ABR: variants seen among roughly 807,000 people sequenced by gnomAD.
ABR encodes ABR activator of RhoGEF and GTPase.
In ABR, 35 loss-of-function variants were observed where a neutral mutation model predicts 107.2. The ratio of observed to expected loss-of-function variants is 0.33; its 90% CI spans 0.25 to 0.43. ABR has a LOEUF of 0.43. ABR is among the 20% of genes least tolerant of loss of function. The probability of loss-of-function intolerance (pLI) is 1.00; values close to 1 mark genes in which losing one functional copy is unlikely to be tolerated. For synonymous variants in ABR, 498 were observed against 462.0 expected (o/e 1.08, Z -1.00); for missense variants, 815 against 1,115.2 (o/e 0.73, Z 3.83).
At chr17:1,165,181 G>A (rs368835317) in intron 1 of ABR, among the ~76,000 whole-genome samples, 3 of 152,216 alleles carry the variant, frequency 2.0e-5, no homozygotes, top group African/African-American at 2.4e-5. Flanking sequence ...CCACCCAGCC[G>A]AGCAACAGGC....
chr17:1,009,489 A>G (rs941032577), intron 21 of ABR, among the ~76,000 whole-genome samples, 190 bp downstream of exon 21: 6 of 152,192 alleles, frequency 3.9e-5, no homozygotes, highest in Non-Finnish European at 8.8e-5. Context: ...CTTGGAAAGC[A>G]AACTCTCACT....
At chr17:1,012,535 C>T (rs1162907277) in intron 18 of ABR, 153 bp downstream of exon 18, 4 of 708,740 alleles carry the variant, frequency 5.6e-6, no homozygotes, top group East Asian at 2.7e-5. Flanking sequence ...CCTCTGCGGC[C>T]ACTCTAGATC....
At chr17:1,019,139 C>G (rs2071428353) in intron 16 of ABR, among the ~76,000 whole-genome samples, 1 of 152,320 alleles carries the variant, frequency 6.6e-6, no homozygotes, top group South Asian at 2.1e-4. Context: ...CCCGCTGCCT[C>G]GTGCCCATCA....
intron 1 of ABR, among the ~76,000 whole-genome samples, chr17:1,204,432 G>A (rs570024994): frequency 6.6e-6 from 1 of 152,188 alleles, no homozygotes; most frequent in East Asian, 1.9e-4. Context: ...GCGACACAGC[G>A]AGACTCTGTC....
intron 10 of ABR, among the ~76,000 whole-genome samples, chr17:1,062,527 T>G (rs1206998391): frequency 7.9e-6 from 1 of 126,714 alleles, no homozygotes; most frequent in African/African-American, 3.0e-5. Context: ...CATGTTCCTC[T>G]AGACACTGTT....
chr17:1,085,923 G>C (rs544744091), intron 4 of ABR, among the ~76,000 whole-genome samples: 1 of 152,300 alleles, frequency 6.6e-6, no homozygotes, highest in South Asian at 2.1e-4. Flanking sequence ...GAGGCGGGCA[G>C]ATCACCTAAG....
intron 16 of ABR, among the ~76,000 whole-genome samples, chr17:1,023,457 GC>G (rs2071890794): frequency 6.6e-6 from 1 of 152,248 alleles, no homozygotes; most frequent in Admixed American, 6.5e-5. Flanking sequence ...CAGCCAGGAA[GC>G]CGGCCCTGCC....
Position 1,131,206 on chromosome 17 carries a change from C to A in ABR, c.62-5839G>T, listed in dbSNP as rs574690529. The stretch of plus-strand genomic sequence containing the variant: ...CTTTGCACACCAAATGCAGTGCCTG[C>A]CACGCACACAGCTCCCCCCTCTTTG... On this transcript the variant is annotated intron_variant, in intron 1 of 22. Coordinates refer to ENST00000302538, the MANE Select transcript of ABR (RefSeq NM_021962.5). 1.5e-3 allele frequency among the ~76,000 whole-genome samples: 159 copies of A among 105,022 alleles called. 3 individuals are homozygous for A. The highest frequency in any genetic ancestry group is 9.0e-3 in the East Asian group (26 of 2,904). 68.9% of individuals were successfully genotyped at this position (105,022 alleles called of 152,430 possible).
At chr17:1,110,313 C>T (rs1372232145) in intron 2 of ABR, among the ~76,000 whole-genome samples, 1 of 151,964 alleles carries the variant, frequency 6.6e-6, no homozygotes, top group Non-Finnish European at 1.5e-5. Context: ...TTTTACAACC[C>T]AACGATGGAG....
chr17:1,165,792 C>T (rs1379782483), intron 1 of ABR, among the ~76,000 whole-genome samples: 1 of 152,200 alleles, frequency 6.6e-6, no homozygotes, highest in Non-Finnish European at 1.5e-5. Flanking sequence ...CTCAGCCTCC[C>T]AAAGTACTGG....
rs879897096 is a variant in ABR at position 1,109,536 on chromosome 17, C to CGGCCG, written c.247-8806_247-8802dup. ...CGGCGGAGGAGGAGCGAGGAGGCCG[C>CGGCCG]GGCCGGGCCGGGGTGGGGTGGAGCG... On this transcript the variant is annotated intron_variant, in intron 2 of 22. Coordinates refer to ENST00000302538, the MANE Select transcript of ABR (RefSeq NM_021962.5). Among the ~76,000 whole-genome samples, 305 of 151,436 alleles carry CGGCCG rather than the reference C, an allele frequency of 2.0e-3. 1 individual carries two copies. Among genetic ancestry groups the CGGCCG allele is most frequent in the Middle Eastern group, 6.8e-3 (2 of 292 alleles).
chr17:1,101,761 T>G (rs1256574826), intron 2 of ABR, among the ~76,000 whole-genome samples: 1 of 147,862 alleles, frequency 6.8e-6, no homozygotes, highest in Non-Finnish European at 1.5e-5. Context: ...AGAGACGGAG[T>G]CTCGCTCTGT....
At chr17:1,216,052 T>A (rs1208061791) in intron 1 of ABR, among the ~76,000 whole-genome samples, 1 of 150,124 alleles carries the variant, frequency 6.7e-6, no homozygotes, top group African/African-American at 2.4e-5. Flanking sequence ...GGCCGCAGGG[T>A]CCTCTGCCTA....
At chr17:1,024,133 G>A (rs1001023694) in intron 16 of ABR, among the ~76,000 whole-genome samples, 10 of 152,050 alleles carry the variant, frequency 6.6e-5, no homozygotes, top group South Asian at 2.1e-4. Flanking sequence ...GCTTGCTGCC[G>A]GGGACGTGAG....
At chr17:1,057,551 T>G (rs1398646717) in intron 12 of ABR, among the ~76,000 whole-genome samples, 1 of 151,896 alleles carries the variant, frequency 6.6e-6, no homozygotes, top group Non-Finnish European at 1.5e-5. Flanking sequence ...CTAATTTTTG[T>G]GTTTTTAGTA....
intron 1 of ABR, among the ~76,000 whole-genome samples, chr17:1,146,247 G>T (rs62069429): frequency 8.2e-5 from 11 of 134,592 alleles, no homozygotes; most frequent in African/African-American, 3.1e-4. Flanking sequence ...TTCTATCCAC[G>T]CAGGCACATG....
At chr17:1,110,609 C>T (rs557036035) in intron 2 of ABR, among the ~76,000 whole-genome samples, 256 of 152,352 alleles carry the variant, frequency 1.7e-3, no homozygotes, top group African/African-American at 6.0e-3. Flanking sequence ...CAGGCCACAG[C>T]CCCCCACTCC....
chr17:1,008,568 G>A (rs1257837108), intron 21 of ABR, among the ~76,000 whole-genome samples: 2 of 152,240 alleles, frequency 1.3e-5, no homozygotes, highest in East Asian at 3.9e-4. Flanking sequence ...AATGCTTTCG[G>A]AATTGGTTGG....
chr17:1,142,875 C>T (rs111933692), intron 1 of ABR, among the ~76,000 whole-genome samples: 6 of 152,298 alleles, frequency 3.9e-5, no homozygotes, highest in African/African-American at 1.4e-4. Flanking sequence ...CCACCCTCAC[C>T]CCGAGGCCTG....
Sources: allele counts gnomAD v4.1 joint callset (sites outside exome capture counted in the v4.1 genomes callset), GRCh38; gene constraint gnomAD v4.1.1; transcripts MANE v1.5; gene names NCBI Gene and HGNC (gene_info 2026-07-23, HGNC 2026-07-21).